Variants in PDGFRA observed in about 807,000 individuals in gnomAD.
PDGFRA encodes platelet derived growth factor receptor alpha, also known as platelet-derived growth factor receptor alpha.
Under a neutral mutation model 121.5 loss-of-function variants are expected in PDGFRA, and 25 were observed. That is an observed-to-expected ratio of 0.21 (90% confidence interval 0.15 to 0.29). PDGFRA has a LOEUF of 0.29. Ranked by LOEUF, PDGFRA falls within the 10% of genes least tolerant of loss-of-function variation. The pLI, the probability that PDGFRA is intolerant of heterozygous loss-of-function variation, is 1.00. For synonymous variants in PDGFRA, 463 were observed against 494.8 expected (o/e 0.94, Z 0.85); for missense variants, 1,008 against 1,345.1 (o/e 0.75, Z 3.92).
chr4:54,269,793 C>T (rs944301932), intron 7 of PDGFRA, among the ~76,000 whole-genome samples: 1 of 149,212 alleles, frequency 6.7e-6, no homozygotes, highest in Non-Finnish European at 1.5e-5. Context: ...CAGGCATGTG[C>T]CACCATGCCT....
At chr4:54,252,148 G>C (rs1722081190) in intron 1 of PDGFRA, among the ~76,000 whole-genome samples, 1 of 152,212 alleles carries the variant, frequency 6.6e-6, no homozygotes, top group African/African-American at 2.4e-5. Context: ...GAAGAAATAA[G>C]AGGGATGGCT....
At chr4:54,245,095 G>A (rs371222076) in intron 1 of PDGFRA, among the ~76,000 whole-genome samples, 3 of 152,224 alleles carry the variant, frequency 2.0e-5, no homozygotes, top group South Asian at 2.1e-4. Flanking sequence ...CGTCTGATTG[G>A]TGTACCTGAA....
intron 1 of PDGFRA, among the ~76,000 whole-genome samples, chr4:54,250,154 G>T (rs1285780151): frequency 1.3e-5 from 2 of 152,180 alleles, no homozygotes; most frequent in Non-Finnish European, 2.9e-5. Flanking sequence ...GGAGAGAAAA[G>T]TGACAGATCA....
chr4:54,283,437 A>G (rs2172370), intron 16 of PDGFRA, among the ~76,000 whole-genome samples: 151,883 of 152,316 alleles, frequency 1, 75,727 homozygotes, highest in Middle Eastern at 1. Flanking sequence ...TTTGAGCCAC[A>G]GCTGGAGCTG....
At chr4:54,262,425 G>A (rs983689427) in intron 3 of PDGFRA, among the ~76,000 whole-genome samples, 3 of 152,128 alleles carry the variant, frequency 2.0e-5, no homozygotes, top group Non-Finnish European at 4.4e-5. Flanking sequence ...GGCAATTTCA[G>A]TATGCAGTTG....
chr4:54,261,932 T>TATA (rs1553902514), intron 3 of PDGFRA, among the ~76,000 whole-genome samples: 1 of 35,534 alleles, frequency 2.8e-5, no homozygotes, highest in African/African-American at 1.1e-4. Flanking sequence ...TATATATATA[T>TATA]TTTTTTTTTT....
At chr4:54,242,106 G>A (rs946873622) in intron 1 of PDGFRA, among the ~76,000 whole-genome samples, 4 of 152,140 alleles carry the variant, frequency 2.6e-5, no homozygotes, top group African/African-American at 4.8e-5. Context: ...TTCAGGCTGT[G>A]GCTCAATAGC....
Position 54,272,476 on chromosome 4 carries a change from G to C in PDGFRA, c.1320G>C (p.Thr440=). The C allele has an allele frequency of 6.2e-7, 1 of 1,613,956 alleles. No individual in the cohort carries two copies. The highest frequency in any genetic ancestry group is 1.1e-5 in the South Asian group (1 of 91,074). The change falls in exon 9 of 23, where the codon ACG becomes ACC. Residue 440 remains threonine, a synonymous_variant. Coordinates refer to ENST00000257290, the MANE Select transcript of PDGFRA (RefSeq NM_006206.6). ...GQTVRCTAEG[T]PLPDIEWMIC... ...CGGTGAGGTGCACAGCTGAAGGCAC[G>C]CCGCTTCCTGATATTGAGTGGATGA...
At chr4:54,269,984 G>T (rs754400118) in intron 7 of PDGFRA, among the ~76,000 whole-genome samples, 1 of 151,848 alleles carries the variant, frequency 6.6e-6, no homozygotes, top group African/African-American at 2.4e-5. Context: ...ATAGAATCCC[G>T]TGCTTGAAAA....
chr4:54,262,927 T>A (rs902465802), intron 3 of PDGFRA, among the ~76,000 whole-genome samples: 5 of 152,216 alleles, frequency 3.3e-5, no homozygotes, highest in Admixed American at 6.5e-5. Context: ...TGCATCGCTG[T>A]CTGACTGAGA....
chr4:54,273,757 T>A (rs1244616824), intron 10 of PDGFRA, 27 bp downstream of exon 10: 1 of 1,593,452 alleles, frequency 6.3e-7, no homozygotes, highest in Non-Finnish European at 8.6e-7. Context: ...TCAGGACAAC[T>A]CATCAGCTGA....
In PDGFRA at chr4:54,248,015, C is replaced by T. The variant is rs1160078894; in HGVS notation, c.-12-10742C>T. 2.9e-3 allele frequency among the ~76,000 whole-genome samples: 437 copies of T among 152,074 alleles called. 3 individuals carry two copies. Among genetic ancestry groups the T allele is most frequent in the African/African-American group, 9.7e-3 (404 of 41,438 alleles). Reference sequence around the variant, plus strand: ...ACCTAGGAATCCAACTTACAAGGGACGTGAAGGACCTCTTCAAGAACTACA... The same window carrying T: ...ACCTAGGAATCCAACTTACAAGGGATGTGAAGGACCTCTTCAAGAACTACA... On this transcript the variant is annotated intron_variant, in intron 1 of 22. Coordinates refer to ENST00000257290, the MANE Select transcript of PDGFRA (RefSeq NM_006206.6).
intron 1 of PDGFRA, among the ~76,000 whole-genome samples, chr4:54,257,136 C>G (rs1722418990): frequency 6.6e-6 from 1 of 152,196 alleles, no homozygotes; most frequent in Admixed American, 6.5e-5. Flanking sequence ...TCCTCACTAC[C>G]CATTATATGC....
intron 22 of PDGFRA, among the ~76,000 whole-genome samples, chr4:54,293,929 G>GTGTGTGTA (rs1321119613): frequency 3.9e-5 from 6 of 151,918 alleles, no homozygotes; most frequent in Non-Finnish European, 8.8e-5. Context: ...GTGTGTGTGT[G>GTGTGTGTA]TGTGTGTGTG....
At chr4:54,241,631 C>T (rs1036533322) in intron 1 of PDGFRA, among the ~76,000 whole-genome samples, 1 of 151,910 alleles carries the variant, frequency 6.6e-6, no homozygotes, top group Non-Finnish European at 1.5e-5. Flanking sequence ...TTCACTGCAG[C>T]CTCCGCATCC....
At chr4:54,241,635 C>T (rs73149601) in intron 1 of PDGFRA, among the ~76,000 whole-genome samples, 5,583 of 151,916 alleles carry the variant, frequency 0.037, 340 homozygotes, top group African/African-American at 0.13. Flanking sequence ...CTGCAGCCTC[C>T]GCATCCTGGG....
At chr4:54,231,356 C>A (rs776514232) in intron 1 of PDGFRA, among the ~76,000 whole-genome samples, 1 of 152,218 alleles carries the variant, frequency 6.6e-6, no homozygotes, top group Non-Finnish European at 1.5e-5. Flanking sequence ...TCGCCGCGGT[C>A]GCTCCTGACA....
intron 1 of PDGFRA, among the ~76,000 whole-genome samples, chr4:54,248,837 C>G (rs1374792177): frequency 6.6e-6 from 1 of 152,078 alleles, no homozygotes; most frequent in African/African-American, 2.4e-5. Flanking sequence ...GGGCTAATAT[C>G]CAGACTCTAC....
At chr4:54,281,614 GGAACC>G in intron 16 of PDGFRA, 1 of 1,356,378 alleles carries the variant, frequency 7.4e-7, no homozygotes, top group Admixed American at 2.2e-5. Context: ...AGATGTCAGA[GGAACC>G]TGAGTCATGC....
Sources: gnomAD v4.1 joint callset for allele counts (sites outside exome capture counted in the v4.1 genomes callset) on GRCh38, gnomAD v4.1.1 for gene constraint, MANE v1.5 for transcripts, NCBI Gene and HGNC (gene_info 2026-07-23, HGNC 2026-07-21) for gene names.